Variants in KDM4A observed in about 807,000 individuals in gnomAD.
KDM4A encodes lysine-specific demethylase 4A.
KDM4A carries 23 observed loss-of-function variants against 127.1 expected under a neutral mutation model. That is an observed-to-expected ratio of 0.18 (90% CI 0.13 to 0.26). The LOEUF is 0.26. KDM4A is among the 10% of genes least tolerant of loss of function. KDM4A has a pLI of 1.00. For synonymous variants in KDM4A, 443 were observed against 466.5 expected (o/e 0.95, Z 0.65); for missense variants, 890 against 1,329.1 (o/e 0.67, Z 5.14).
chr1:43,670,854 C>T (rs1232370881), intron 10 of KDM4A, among the ~76,000 whole-genome samples: 1 of 152,146 alleles, frequency 6.6e-6, no homozygotes, highest in Non-Finnish European at 1.5e-5. Context: ...AGCCACCATG[C>T]CTGGCCCATG....
chr1:43,691,607 G>A, intron 15 of KDM4A, 35 bp downstream of exon 15: 1 of 1,569,238 alleles, frequency 6.4e-7, no homozygotes, highest in Non-Finnish European at 8.8e-7. Flanking sequence ...TCTTCACCAT[G>A]AGTCTTGGTG....
intron 19 of KDM4A, among the ~76,000 whole-genome samples, chr1:43,700,700 G>A (rs1368525872): frequency 1.3e-5 from 2 of 152,038 alleles, no homozygotes; most frequent in African/African-American, 4.8e-5. Flanking sequence ...TGGGATTACA[G>A]GTGTGAGCCA....
chr1:43,663,145 A>G, intron 5 of KDM4A, 58 bp downstream of exon 5: 3 of 1,474,688 alleles, frequency 2.0e-6, no homozygotes, highest in East Asian at 2.3e-5. Flanking sequence ...GCTCATGTTC[A>G]TTGTGCGTGG....
intron 11 of KDM4A, 117 bp from the exon 12 acceptor site, chr1:43,683,567 T>G: frequency 1.7e-6 from 2 of 1,201,062 alleles, no homozygotes. Context: ...TGTTTGGTAT[T>G]ATATGTCTTT....
rs1325926768 is a variant in KDM4A, at chr1:43,703,601, C to G, written c.2842-16C>G. ...GTGGACGTTCCTTTCACCCTCCTTC[C>G]TTCCTGTTTCCTCAGAGCCAGGACT... On this transcript the variant is annotated splice_polypyrimidine_tract_variant and intron_variant, in intron 19 of 21. Transcript: ENST00000372396. 6.2e-7 allele frequency: 1 copy of G among 1,613,398 alleles called. No individual in the cohort carries two copies. The highest frequency in any genetic ancestry group is 1.7e-5 in the Admixed American group (1 of 59,988).
intron 19 of KDM4A, among the ~76,000 whole-genome samples, chr1:43,698,548 C>A (rs762632671): frequency 1.4e-4 from 21 of 152,202 alleles, no homozygotes; most frequent in Non-Finnish European, 2.6e-4. Context: ...AGTCCTAGGT[C>A]TGGCTTGGTA....
chr1:43,686,002 C>T (rs924675233), intron 12 of KDM4A, among the ~76,000 whole-genome samples: 5 of 152,108 alleles, frequency 3.3e-5, no homozygotes, highest in Admixed American at 6.5e-5. Context: ...TACAAAATTA[C>T]CCTTAAAAGA....
At chr1:43,667,182 G>T in intron 8 of KDM4A, 91 bp downstream of exon 8, 1 of 1,408,554 alleles carries the variant, frequency 7.1e-7, no homozygotes, top group Non-Finnish European at 9.9e-7. Flanking sequence ...GTATTTCTTT[G>T]AGCTGCTGGA....
chr1:43,683,908 G>T, intron 12 of KDM4A, 104 bp downstream of exon 12: 2 of 1,280,856 alleles, frequency 1.6e-6, no homozygotes, highest in Non-Finnish European at 2.2e-6. Context: ...GTGGGCCTGT[G>T]GCTTAGCTGC....
chr1:43,676,289 TAGAA>T (rs1465305715), intron 11 of KDM4A, among the ~76,000 whole-genome samples: 1 of 152,010 alleles, frequency 6.6e-6, no homozygotes, highest in Non-Finnish European at 1.5e-5. Flanking sequence ...CACAGTATCT[TAGAA>T]AGATGCAGAG....
chr1:43,680,375 C>T (rs1013734778), intron 11 of KDM4A, among the ~76,000 whole-genome samples: 2 of 152,312 alleles, frequency 1.3e-5, no homozygotes, highest in Non-Finnish European at 2.9e-5. Flanking sequence ...AAGGTGTCCT[C>T]TTCCCTTCCC....
intron 11 of KDM4A, among the ~76,000 whole-genome samples, chr1:43,677,286 G>A (rs371759867): frequency 6.7e-6 from 1 of 149,756 alleles, no homozygotes; most frequent in East Asian, 2.0e-4. Context: ...CGGAGGTTGC[G>A]CTGAGCTGGG....
At chr1:43,653,031 G>C in intron 1 of KDM4A, 106 bp from the exon 2 acceptor site, 1 of 610,992 alleles carries the variant, frequency 1.6e-6, no homozygotes, top group Non-Finnish European at 2.5e-6. Context: ...AGTCTTAACT[G>C]TGTCTTTTGA....
chr1:43,702,219 C>T (rs1236316659), intron 19 of KDM4A: 1 of 152,180 alleles, frequency 6.6e-6, no homozygotes, highest in Non-Finnish European at 1.5e-5. Context: ...TCACAGACCA[C>T]ATTTTCAGAA....
Position 43,655,580 on chromosome 1 carries a change from G to T in KDM4A, c.139-11G>T. On this transcript the variant is annotated splice_polypyrimidine_tract_variant and intron_variant, in intron 2 of 21. Transcript: ENST00000372396. ...TCTCATCTGTCTTTTTGTTTCTTGT[G>T]TTCCCTTCAGGTTGTTCCTCCAAAA... 2 of 1,596,138 alleles carry T rather than the reference G, an allele frequency of 1.3e-6. No homozygotes were observed. The highest frequency in any genetic ancestry group is 1.7e-6 in the Non-Finnish European group (2 of 1,171,384).
At chr1:43,679,680 A>T (rs1660816281) in intron 11 of KDM4A, among the ~76,000 whole-genome samples, 1 of 152,204 alleles carries the variant, frequency 6.6e-6, no homozygotes, top group Non-Finnish European at 1.5e-5. Context: ...TAGAGTTTTC[A>T]TTACCTACTG....
intron 10 of KDM4A, among the ~76,000 whole-genome samples, chr1:43,670,081 G>A (rs1442199420): frequency 1.3e-5 from 2 of 152,198 alleles, no homozygotes; most frequent in Non-Finnish European, 2.9e-5. Flanking sequence ...AGGAGATGAT[G>A]TAGGGCTGTC....
At chr1:43,702,702 A>G (rs983162157) in intron 19 of KDM4A, 2 of 152,132 alleles carry the variant, frequency 1.3e-5, no homozygotes, top group Admixed American at 6.5e-5. Context: ...GCCAGGTCCC[A>G]TGGTAGGTGA....
chr1:43,662,472 G>A (rs535312374), intron 4 of KDM4A, among the ~76,000 whole-genome samples: 49 of 152,250 alleles, frequency 3.2e-4, no homozygotes, highest in African/African-American at 1.0e-3. Context: ...GTTGGGCATG[G>A]TGGTGGGTGC....
Sources: allele counts gnomAD v4.1 joint callset (sites outside exome capture counted in the v4.1 genomes callset), GRCh38; gene constraint gnomAD v4.1.1; transcripts MANE v1.5; gene names NCBI Gene and HGNC (gene_info 2026-07-23, HGNC 2026-07-21).